MYO1H: variants seen among roughly 807,000 people sequenced by gnomAD.
The protein encoded by MYO1H is myosin IH.
A neutral mutation model predicts 149.3 loss-of-function variants in MYO1H; 118 were observed. The observed-to-expected ratio is 0.79, with a 90% CI of 0.68 to 0.92. The LOEUF is 0.92. MYO1H is among the 40% of genes least tolerant of loss of function. MYO1H has a pLI of 0.00. For synonymous variants in MYO1H, 447 were observed against 465.2 expected, an observed-to-expected ratio of 0.96 and a Z score of 0.50; for missense variants, 1,212 against 1,280.7, an observed-to-expected ratio of 0.95 and a Z score of 0.82.
chr12:109,403,755 T>G (rs1422269174), intron 6 of MYO1H, among the ~76,000 whole-genome samples: 1 of 152,226 alleles, frequency 6.6e-6, no homozygotes, highest in Non-Finnish European at 1.5e-5. Context: ...ACATGTAACT[T>G]GGAATGTTTT....
At chr12:109,355,735 CTT>C (rs375179115) in intron 1 of MYO1H, among the ~76,000 whole-genome samples, 1 of 143,954 alleles carries the variant, frequency 6.9e-6, no homozygotes, top group African/African-American at 2.5e-5. Flanking sequence ...TTTTCTTTTT[CTT>C]TTTTTTTTTG....
chr12:109,409,796 T>C (rs1438279434), intron 11 of MYO1H, among the ~76,000 whole-genome samples, 167 bp from the exon 12 acceptor site: 3 of 152,214 alleles, frequency 2.0e-5, no homozygotes, highest in Non-Finnish European at 2.9e-5. Flanking sequence ...ACCATAAAAA[T>C]GCAAATATAT....
exon 16 of MYO1H, chr12:109,421,002 ATCT>A: frequency 1.3e-6 from 2 of 1,589,602 alleles, no homozygotes; most frequent in East Asian, 4.5e-5. Flanking sequence ...AAAAACAATG[ATCT>A]TCTTTACAGA....
the MYO1H span, among the ~76,000 whole-genome samples, chr12:109,321,163 A>G: frequency 1.6e-4 from 24 of 152,222 alleles, no homozygotes; most frequent in East Asian, 3.8e-4. Flanking sequence ...CTTATGTTCA[A>G]CTAAGAATAC....
chr12:109,315,032 G>A, the MYO1H span, among the ~76,000 whole-genome samples: 3 of 152,280 alleles, frequency 2.0e-5, no homozygotes, highest in Admixed American at 1.3e-4. Context: ...AGCCCGGAAG[G>A]CAGAGGCTGC....
intron 5 of MYO1H, among the ~76,000 whole-genome samples, chr12:109,398,314 C>T (rs73403773): frequency 0.025 from 3,806 of 152,276 alleles, 156 homozygotes; most frequent in African/African-American, 0.086. Flanking sequence ...GACAGGAGAA[C>T]GACTACACTG....
chr12:109,343,268 G>A (rs1474141908), upstream of MYO1H, among the ~76,000 whole-genome samples: 1 of 152,180 alleles, frequency 6.6e-6, no homozygotes, highest in African/African-American at 2.4e-5. Context: ...AAGTTTGTAT[G>A]TGCCAGGGGA....
chr12:109,330,082 T>G, the MYO1H span, among the ~76,000 whole-genome samples: 1 of 152,164 alleles, frequency 6.6e-6, no homozygotes, highest in Non-Finnish European at 1.5e-5. Flanking sequence ...CTCAATCAAA[T>G]CGGGAGTCTA....
At position 109,355,174 on chromosome 12, in the gene MYO1H, T is replaced by A. The variant is rs149022872; in HGVS notation, c.12+7202T>A. On this transcript the variant is annotated intron_variant, in intron 1 of 31. Transcript: ENST00000310903. ...CCTCCCTCCTCTGTGAGCCCCCTTT[T>A]CTACCCCACAGTGTTTGGTGGAGTT... 1.3e-3 allele frequency among the ~76,000 whole-genome samples: 198 copies of A among 152,226 alleles called. 1 individual carries two copies. Among genetic ancestry groups the A allele is most frequent in the African/African-American group, 4.6e-3 (190 of 41,530 alleles).
At chr12:109,411,011 A>G (rs1431609691) in intron 13 of MYO1H, among the ~76,000 whole-genome samples, 3 of 152,254 alleles carry the variant, frequency 2.0e-5, no homozygotes, top group South Asian at 4.1e-4. Flanking sequence ...GCATGATGGC[A>G]TGCGCCTGTA....
At chr12:109,426,115 C>A in intron 18 of MYO1H, 64 bp downstream of exon 18, 1 of 1,187,076 alleles carries the variant, frequency 8.4e-7, no homozygotes, top group Non-Finnish European at 1.2e-6. Flanking sequence ...AGCAAGGTGG[C>A]AGTGGGTTGG....
At chr12:109,430,688 G>C (rs1456147752) in intron 19 of MYO1H, among the ~76,000 whole-genome samples, 1 of 152,154 alleles carries the variant, frequency 6.6e-6, no homozygotes, top group Non-Finnish European at 1.5e-5. Flanking sequence ...CAGCACTTTG[G>C]GAGGCCGAAA....
chr12:109,415,521 CG>C lies in MYO1H; in HGVS notation c.1503-4del. On this transcript the variant is annotated splice_region_variant and splice_polypyrimidine_tract_variant and intron_variant, in intron 14 of 31. Transcript: ENST00000310903. ...GTTCAACTCGTGTCTATTTCTGTCT[CG>C]TAGCCGTAAGCTGGCTGGTCCAAAG... 1 of 1,598,590 alleles carries C rather than the reference CG, an allele frequency of 6.3e-7. No individual in the cohort carries two copies. Among genetic ancestry groups the C allele is most frequent in the Non-Finnish European group, 8.5e-7 (1 of 1,172,678 alleles).
At chr12:109,437,024 G>A (rs1442312816) in intron 22 of MYO1H, among the ~76,000 whole-genome samples, 2 of 152,160 alleles carry the variant, frequency 1.3e-5, no homozygotes, top group Non-Finnish European at 2.9e-5. Flanking sequence ...AGGACTGTTT[G>A]AGCCCAGGAG....
At chr12:109,407,662 C>T in intron 9 of MYO1H, 132 bp from the exon 10 acceptor site, 1 of 838,124 alleles carries the variant, frequency 1.2e-6, no homozygotes, top group African/African-American at 1.7e-5. Flanking sequence ...CCAGCTACTG[C>T]ATTCCAGGCT....
At chr12:109,375,780 C>A (rs1488365724) in intron 1 of MYO1H, among the ~76,000 whole-genome samples, 2 of 152,028 alleles carry the variant, frequency 1.3e-5, no homozygotes, top group African/African-American at 2.4e-5. Flanking sequence ...GAGTTTGAGA[C>A]AAGCCTGGGC....
the MYO1H span, among the ~76,000 whole-genome samples, chr12:109,335,747 A>G: frequency 6.6e-6 from 1 of 152,146 alleles, no homozygotes; most frequent in Non-Finnish European, 1.5e-5. Flanking sequence ...GTAAAGTTTT[A>G]TAGTTTTCTT....
At chr12:109,378,023 C>T (rs1348853159) in intron 1 of MYO1H, among the ~76,000 whole-genome samples, 3 of 152,180 alleles carry the variant, frequency 2.0e-5, no homozygotes, top group Admixed American at 6.5e-5. Context: ...CTATGCCATA[C>T]GTTGTGATTA....
chr12:109,314,184 C>CT, the MYO1H span, among the ~76,000 whole-genome samples: 1 of 150,530 alleles, frequency 6.6e-6, no homozygotes, highest in Non-Finnish European at 1.5e-5. Flanking sequence ...CATACCTGGC[C>CT]TTTTTTACTT....
Sources: allele counts gnomAD v4.1 joint callset (sites outside exome capture counted in the v4.1 genomes callset), GRCh38; gene constraint gnomAD v4.1.1; transcripts MANE v1.5; gene names NCBI Gene and HGNC (gene_info 2026-07-23, HGNC 2026-07-21).